Variants in FDFT1 observed in about 807,000 individuals in gnomAD.
FDFT1 encodes the protein farnesyl-diphosphate farnesyltransferase 1, also known as squalene synthase.
A neutral mutation model predicts 46.8 loss-of-function variants in FDFT1; 68 were observed. The observed-to-expected ratio is 1.45, with a 90% CI of 1.19 to 1.78. The LOEUF is 1.78. Among genes scored for constraint, FDFT1 ranks in the 40% most tolerant of loss-of-function variants. The probability of loss-of-function intolerance (pLI) is 0.00; values close to 1 mark genes in which losing one functional copy is unlikely to be tolerated. For synonymous variants in FDFT1, 351 were observed against 185.1 expected (o/e 1.90, Z -7.28); for missense variants, 928 against 524.4 (o/e 1.77, Z -7.52).
chr8:11,822,378 G>T (rs1329296571), intron 4 of FDFT1, among the ~76,000 whole-genome samples: 1 of 152,216 alleles, frequency 6.6e-6, no homozygotes, highest in African/African-American at 2.4e-5. Context: ...CTGCTACATG[G>T]TCACTACGTT....
intron 4 of FDFT1, among the ~76,000 whole-genome samples, chr8:11,824,003 C>A (rs968413826): frequency 6.6e-6 from 1 of 152,056 alleles, no homozygotes; most frequent in Non-Finnish European, 1.5e-5. Flanking sequence ...GCCTTAGCCT[C>A]CCAGGTGTGA....
chr8:11,812,092 G>T (rs1210831153), intron 3 of FDFT1, among the ~76,000 whole-genome samples: 2 of 152,188 alleles, frequency 1.3e-5, no homozygotes, highest in Admixed American at 6.5e-5. Context: ...CTCTTAGACT[G>T]GGGCAAGTGA....
At chr8:11,805,619 C>T (rs1019437920) in intron 1 of FDFT1, among the ~76,000 whole-genome samples, 18 of 152,186 alleles carry the variant, frequency 1.2e-4, no homozygotes, top group Admixed American at 5.9e-4. Flanking sequence ...GATTTTTTAA[C>T]CACAACTTCC....
At position 11,808,903 on chromosome 8, in the gene FDFT1, A is replaced by AG; in HGVS notation, c.197+14dup. 2.5e-6 allele frequency: 4 copies of AG among 1,611,966 alleles called. No homozygotes were observed. Among genetic ancestry groups the AG allele is most frequent in the Non-Finnish European group, 3.4e-6 (4 of 1,179,110 alleles). ...GATGGGGAAATGCGGTGAGTGATGG[A>AG]GGCAGCGCCTCTGGCTTGGAGGAAA... On this transcript the variant is annotated intron_variant, in intron 2 of 7. Coordinates refer to ENST00000220584, the MANE Select transcript of FDFT1 (RefSeq NM_004462.5).
intron 1 of FDFT1, among the ~76,000 whole-genome samples, chr8:11,797,045 C>T (rs1364478764): frequency 1.3e-5 from 2 of 152,206 alleles, no homozygotes; most frequent in African/African-American, 2.4e-5. Flanking sequence ...AGGGTAGTAA[C>T]TTCTGGGTTG....
At chr8:11,823,926 G>C (rs569246600) in intron 4 of FDFT1, among the ~76,000 whole-genome samples, 6 of 152,040 alleles carry the variant, frequency 3.9e-5, no homozygotes, top group African/African-American at 7.2e-5. Context: ...GTAATTTTTT[G>C]GTAGAGACAG....
At chr8:11,837,433 T>G (rs2130916282) in intron 7 of FDFT1, among the ~76,000 whole-genome samples, 1 of 152,274 alleles carries the variant, frequency 6.6e-6, no homozygotes, top group African/African-American at 2.4e-5. Flanking sequence ...GGTTTTACTG[T>G]GTTGTCCAGG....
rs115455383 is a variant in FDFT1 at position 11,796,808 on chromosome 8, T to A, written c.-94+797T>A. Among the ~76,000 whole-genome samples the A allele has an allele frequency of 2.0e-5, 3 of 152,212 alleles. No individual in the cohort carries two copies. In the East Asian group the frequency reaches 5.8e-4, roughly 29 times the overall value. On this transcript the variant is annotated intron_variant, in intron 1 of 7. Coordinates refer to the FDFT1 transcript ENST00000538689. The stretch of plus-strand genomic sequence containing the variant: ...CAAATTGGGCCTTAGCCCATGAGGG[T>A]TCCTGGCTTTACCCAGGAAAGAATT...
Position 11,805,885 on chromosome 8 carries a change from G to T in FDFT1, c.100-2909G>T, listed in dbSNP as rs1736091. Among the ~76,000 whole-genome samples the T allele has an allele frequency of 9.7e-3, 1,483 of 152,328 alleles. 9 individuals are homozygous for T. Among genetic ancestry groups the T allele is most frequent in the South Asian group, 0.018 (86 of 4,828 alleles). On this transcript the variant is annotated intron_variant, in intron 1 of 7. Coordinates refer to ENST00000220584, the MANE Select transcript of FDFT1 (RefSeq NM_004462.5). ...AGATGTTTCAGTGGACTATGGGCCT[G>T]TGAGACCTTAAAGGGTTGATTGAGT... is the stretch of plus-strand genomic sequence containing the variant.
At chr8:11,810,043 T>A in intron 3 of FDFT1, 193 bp downstream of exon 3, 1 of 543,568 alleles carries the variant, frequency 1.8e-6, no homozygotes, top group East Asian at 3.0e-5. Flanking sequence ...ATCTCCCACT[T>A]ACTAAACTGT....
At chr8:11,808,457 G>T (rs1807193206) in intron 1 of FDFT1, 1 of 1,268,110 alleles carries the variant, frequency 7.9e-7, no homozygotes, top group Non-Finnish European at 9.9e-7. Flanking sequence ...GCCCCTCGTC[G>T]GGCGCTTCCC....
In FDFT1 at chr8:11,810,534, G is replaced by C. The variant is rs574405623; in HGVS notation, c.381+684G>C. On this transcript the variant is annotated intron_variant, in intron 3 of 7. Transcript: ENST00000220584. ...TAATTTCGCACATATAAAGTACTTA[G>C]TGCCTGGTACAGGGTAAGTATTCTG... Among the ~76,000 whole-genome samples the C allele has an allele frequency of 7.9e-5, 12 of 152,304 alleles. No individual in the cohort carries two copies. In the South Asian group the frequency reaches 2.5e-3, roughly 32 times the overall value.
chr8:11,807,286 G>C (rs1365770241), intron 1 of FDFT1, among the ~76,000 whole-genome samples: 1 of 152,134 alleles, frequency 6.6e-6, no homozygotes, highest in Non-Finnish European at 1.5e-5. Flanking sequence ...TCAGTAGCTA[G>C]ACTATAGGTG....
upstream of FDFT1, among the ~76,000 whole-genome samples, chr8:11,798,682 C>A (rs1273409013): frequency 6.6e-6 from 1 of 152,152 alleles, no homozygotes; most frequent in African/African-American, 2.4e-5. Flanking sequence ...ACTAACTTTG[C>A]ATTGTTTAGG....
At chr8:11,831,748 G>A in intron 7 of FDFT1, 78 bp downstream of exon 7, 1 of 1,145,038 alleles carries the variant, frequency 8.7e-7, no homozygotes, top group Non-Finnish European at 1.3e-6. Context: ...ACCAGGTTTG[G>A]ATATTAGATG....
At chr8:11,796,210 G>A (rs1585815303) in intron 1 of FDFT1, among the ~76,000 whole-genome samples, 1 of 152,242 alleles carries the variant, frequency 6.6e-6, no homozygotes, top group African/African-American at 2.4e-5. Flanking sequence ...AGTATGTAAA[G>A]TGTTTCTGTT....
At chr8:11,799,612 G>C (rs1319898339), upstream of FDFT1, among the ~76,000 whole-genome samples, 1 of 152,216 alleles carries the variant, frequency 6.6e-6, no homozygotes, top group East Asian at 1.9e-4. Flanking sequence ...CTGATCTCCT[G>C]TCCCGTTATT....
chr8:11,826,250 T>G, intron 5 of FDFT1, 35 bp downstream of exon 5: 1 of 1,415,440 alleles, frequency 7.1e-7, no homozygotes, highest in Non-Finnish European at 9.5e-7. Flanking sequence ...GGAAAATAAC[T>G]TTAGACATTC....
intron 1 of FDFT1, among the ~76,000 whole-genome samples, chr8:11,806,995 A>C (rs552258775): frequency 7.4e-4 from 110 of 148,256 alleles, no homozygotes; most frequent in Non-Finnish European, 3.7e-4. Context: ...CCCTTTTGGC[A>C]AAATACGTAT....
Sources: gnomAD v4.1 joint callset for allele counts (sites outside exome capture counted in the v4.1 genomes callset) on GRCh38, gnomAD v4.1.1 for gene constraint, MANE v1.5 for transcripts, NCBI Gene and HGNC (gene_info 2026-07-23, HGNC 2026-07-21) for gene names.